FCMR: variants seen among roughly 807,000 people sequenced by gnomAD.
FCMR encodes the protein immunoglobulin mu Fc receptor.
Under a neutral mutation model 41.6 loss-of-function variants are expected in FCMR, and 34 were observed. The ratio of observed to expected loss-of-function variants is 0.82; its 90% CI spans 0.62 to 1.09. The LOEUF is 1.09. FCMR is among the 50% of genes least tolerant of loss of function. The pLI is 0.00. For missense variants in FCMR, 496 were observed against 512.5 expected (o/e 0.97, Z 0.31); for synonymous variants, 209 against 211.8 (o/e 0.99, Z 0.12).
chr1:206,912,456 A>G (rs544709788), intron 3 of FCMR, among the ~76,000 whole-genome samples: 1 of 152,360 alleles, frequency 6.6e-6, no homozygotes, highest in Admixed American at 6.5e-5. Context: ...TTAAAACTGG[A>G]TGATGATATC....
intron 4 of FCMR, among the ~76,000 whole-genome samples, chr1:206,911,244 T>A (rs1678928929): frequency 6.6e-6 from 1 of 151,828 alleles, no homozygotes; most frequent in South Asian, 2.1e-4. Flanking sequence ...TAGGGTTTTT[T>A]TTTTTTGGAG....
intron 1 of FCMR, among the ~76,000 whole-genome samples, chr1:206,915,632 T>C (rs1679159381): frequency 6.6e-6 from 1 of 152,168 alleles, no homozygotes; most frequent in African/African-American, 2.4e-5. Context: ...CCCATAAGTG[T>C]CTGCATATTT....
chr1:206,909,661 G>T lies in FCMR; in HGVS notation c.985+64C>A. Reference sequence around the variant, plus strand: ...GGCACCTGGGAGCGCGCCCCGCTGCGCCCGGCTTTCCCGGAGCCAGCGCAC... The same window carrying T: ...GGCACCTGGGAGCGCGCCCCGCTGCTCCCGGCTTTCCCGGAGCCAGCGCAC... On this transcript the variant is annotated intron_variant, in intron 6 of 7. Coordinates refer to ENST00000367091, the MANE Select transcript of FCMR (RefSeq NM_005449.5). The surrounding 1 kb of genome is among the most constrained non-coding windows in gnomAD (Gnocchi z 5.0). 1.5e-6 allele frequency: 2 copies of T among 1,352,246 alleles called. No individual in the cohort carries two copies. The highest frequency in any genetic ancestry group is 1.8e-5 in the South Asian group (1 of 55,792). 83.8% of individuals were successfully genotyped at this position (1,352,246 alleles called of 1,614,324 possible).
In FCMR at chr1:206,909,532, C is replaced by T; in HGVS notation, c.986-12G>A. ...GGCCTCCCCTGTGCCTAGGGAACAG[C>T]GAGGGCGAGGTGAGGCGGCGGCCGA... On this transcript the variant is annotated splice_polypyrimidine_tract_variant and intron_variant, in intron 6 of 7. Transcript: ENST00000367091. The surrounding 1 kb of genome is among the most constrained non-coding windows in gnomAD (Gnocchi z 5.0). 7.5e-7 allele frequency: 1 copy of T among 1,327,216 alleles called. No homozygotes were observed. Among genetic ancestry groups the T allele is most frequent in the Non-Finnish European group, 9.6e-7 (1 of 1,042,252 alleles). 82.2% of individuals were successfully genotyped at this position (1,327,216 alleles called of 1,614,324 possible). A position where few individuals can be genotyped will look rare whatever the true frequency, so the allele number is the denominator to read the frequency against.
Position 206,913,742 on chromosome 1 carries a change from T to C in FCMR, c.373+17A>G. 1 of 1,602,540 alleles carries C rather than the reference T, an allele frequency of 6.2e-7. No individual in the cohort carries two copies. The highest frequency in any genetic ancestry group is 8.5e-7 in the Non-Finnish European group (1 of 1,169,886). On this transcript the variant is annotated intron_variant, in intron 2 of 7. Transcript: ENST00000367091. ...TTTTCTGGGTAGTCTGAGCCTCCAA[T>C]CAGCGGAGGAACCTACCACTGTGGA...
rs1439171218 is a variant in FCMR at position 206,909,556 on chromosome 1, G to A, written c.986-36C>T. 2 of 1,308,002 alleles carry A rather than the reference G, an allele frequency of 1.5e-6. No individual in the cohort carries two copies. The highest frequency in any genetic ancestry group is 1.9e-6 in the Non-Finnish European group (2 of 1,025,688). The allele number at this position is 1,308,002 out of a possible 1,614,324, so 81.0% of individuals were successfully genotyped here. On this transcript the variant is annotated intron_variant, in intron 6 of 7. Coordinates refer to ENST00000367091, the MANE Select transcript of FCMR (RefSeq NM_005449.5). The surrounding 1 kb of genome is among the most constrained non-coding windows in gnomAD (Gnocchi z 5.0). Reference sequence around the variant, plus strand: ...GCGAGGGCGAGGTGAGGCGGCGGCCGAGGCTCCCGCCCCACCGTCATGCTA... The same window carrying A: ...GCGAGGGCGAGGTGAGGCGGCGGCCAAGGCTCCCGCCCCACCGTCATGCTA...
chr1:206,916,316 T>G (rs1410735927), intron 1 of FCMR, among the ~76,000 whole-genome samples: 1 of 152,208 alleles, frequency 6.6e-6, no homozygotes, highest in African/African-American at 2.4e-5. Flanking sequence ...GGAAGTTGAA[T>G]GCCGAGGGTG....
intron 3 of FCMR, among the ~76,000 whole-genome samples, chr1:206,912,346 G>A (rs555569999): frequency 6.6e-6 from 1 of 152,202 alleles, no homozygotes; most frequent in South Asian, 2.1e-4. Context: ...ATCCCTCTTG[G>A]CTCTCAGCAG....
chr1:206,919,429 C>G (rs1190561422), intron 1 of FCMR, among the ~76,000 whole-genome samples: 1 of 152,082 alleles, frequency 6.6e-6, no homozygotes, highest in Admixed American at 6.5e-5. Flanking sequence ...GACCCTATCT[C>G]TATTAAAAAT....
rs573908303 is a variant in FCMR, at chr1:206,914,174, G to T, written c.38-80C>A. ...CCCCATCTACTTCCCAGCTCCAGCC[G>T]TCTCTCCAACCCTAGCCCAGGCCCC... On this transcript the variant is annotated intron_variant, in intron 1 of 7. Transcript: ENST00000367091. 1.0e-5 allele frequency: 12 copies of T among 1,144,006 alleles called. No homozygotes were observed. The South Asian group carries it at 1.1e-4, about 10-fold the overall frequency. The allele number at this position is 1,144,006 out of a possible 1,614,324, so 70.9% of individuals were successfully genotyped here.
rs1678844430 is a variant in FCMR, at chr1:206,909,830, G to A, written c.880C>T (p.Arg294Cys). The A allele has an allele frequency of 4.3e-6, 6 of 1,399,458 alleles. No individual in the cohort carries two copies. Among genetic ancestry groups the A allele is most frequent in the Admixed American group, 3.7e-5 (1 of 27,394 alleles). 86.7% of individuals were successfully genotyped at this position (1,399,458 alleles called of 1,614,324 possible). Reference sequence around the variant, plus strand: ...GGCCTCTGGGAGCTCTCCAGGGCGCGCATCCTCACGGCCAGTCGGCGGGCC... The same window carrying A: ...GGCCTCTGGGAGCTCTCCAGGGCGCACATCCTCACGGCCAGTCGGCGGGCC... ...RRARRLAVRM[R>C]ALESSQRPRG... The change falls in exon 6 of 8, where the codon CGC becomes TGC. Residue 294 changes from arginine to cysteine, a missense_variant. By Grantham distance (180) the Arg-to-Cys change is radical. Transcript: ENST00000367091. This position sits in a 1 kb window ranked among gnomAD's most constrained non-coding sequence, Gnocchi z 5.0.
intron 1 of FCMR, among the ~76,000 whole-genome samples, chr1:206,914,298 C>G (rs969164916): frequency 6.6e-6 from 1 of 150,448 alleles, no homozygotes; most frequent in African/African-American, 2.4e-5. Context: ...TTTCTTTTTT[C>G]TTTTTCTTTT....
At chr1:206,921,590 A>T (rs1263140786) in intron 1 of FCMR, among the ~76,000 whole-genome samples, 1 of 152,172 alleles carries the variant, frequency 6.6e-6, no homozygotes, top group Non-Finnish European at 1.5e-5. Flanking sequence ...GATAGAGTTA[A>T]CACCTGACTG....
At chr1:206,915,670 T>A (rs965005427) in intron 1 of FCMR, among the ~76,000 whole-genome samples, 12 of 152,058 alleles carry the variant, frequency 7.9e-5, no homozygotes, top group Non-Finnish European at 4.4e-5. Context: ...AGGGTAAAGT[T>A]GTGTGTGTGT....
intron 1 of FCMR, among the ~76,000 whole-genome samples, chr1:206,915,583 G>C (rs887634983): frequency 1.3e-5 from 2 of 152,198 alleles, no homozygotes; most frequent in African/African-American, 4.8e-5. Context: ...CTACAGAAGA[G>C]GGTAAGGCCG....
chr1:206,905,779 T>C (rs995940674), intron 7 of FCMR: 10 of 162,624 alleles, frequency 6.1e-5, no homozygotes, highest in African/African-American at 2.2e-4. Flanking sequence ...GGGACAGTTA[T>C]GTATTTAAAC....
chr1:206,907,727 C>G (rs1347499404), intron 7 of FCMR: 1 of 969,758 alleles, frequency 1.0e-6, no homozygotes. Context: ...GGTTGTCGTA[C>G]GCTGGGAGGG....
chr1:206,907,004 T>C (rs1379209295), intron 7 of FCMR, among the ~76,000 whole-genome samples: 1 of 149,288 alleles, frequency 6.7e-6, no homozygotes, highest in African/African-American at 2.5e-5. Context: ...ATGCCTACTA[T>C]GTTCAGACTG....
chr1:206,923,095 A>G (rs1420437687), upstream of FCMR: 1 of 152,262 alleles, frequency 6.6e-6, no homozygotes, highest in Non-Finnish European at 1.5e-5. Flanking sequence ...CAGGGCCCCA[A>G]CCCCAGGTGA....
Sources: gnomAD v4.1 joint callset for allele counts (sites outside exome capture counted in the v4.1 genomes callset) on GRCh38, gnomAD v4.1.1 for gene constraint, Gnocchi (gnomAD v3.1) non-coding constraint, MANE v1.5 for transcripts, NCBI Gene and HGNC (gene_info 2026-07-23, HGNC 2026-07-21) for gene names.